The following ADGRL3 variants were observed in gnomAD, a reference collection of about 807,000 sequenced individuals.
ADGRL3 encodes the protein calcium-independent alpha-latrotoxin receptor 3.
In ADGRL3, 62 loss-of-function variants were observed where a neutral mutation model predicts 153.5. That is an observed-to-expected ratio of 0.40 (90% CI 0.33 to 0.50). The LOEUF is 0.50. Among genes scored for constraint, ADGRL3 ranks in the 20% least tolerant of loss-of-function variants. The probability of loss-of-function intolerance (pLI) is 0.47; values close to 1 mark genes in which losing one functional copy is unlikely to be tolerated. For synonymous variants in ADGRL3, 710 were observed against 672.5 expected (o/e 1.06, Z -0.86); for missense variants, 1,641 against 1,859.4 (o/e 0.88, Z 2.16).
chr4:62,031,485 T>C lies in ADGRL3; in HGVS notation c.3466T>C (p.Leu1156=). 6.2e-7 allele frequency: 1 copy of C among 1,610,890 alleles called. No individual in the cohort carries two copies. The highest frequency in any genetic ancestry group is 2.2e-5 in the East Asian group (1 of 44,746). The change falls in exon 23 of 27, where the codon TTG becomes CTG. Residue 1156 remains leucine (L), a synonymous_variant. Coordinates refer to ENST00000683033, the MANE Select transcript of ADGRL3 (RefSeq NM_001387552.1). ...GAIALLCLLG[L]TWAFGLMYIN... is the part of the protein sequence containing the mutation. ...AATAGCTCTTCTCTGCCTATTAGGA[T>C]TGACCTGGGCCTTTGGACTCATGTA...
chr4:61,467,616 ACT>A (rs1310212520), intron 2 of ADGRL3, among the ~76,000 whole-genome samples: 1 of 151,848 alleles, frequency 6.6e-6, no homozygotes, highest in South Asian at 2.1e-4. Context: ...AAGTAGAAAC[ACT>A]CTGAAGTGGA....
intron 4 of ADGRL3, among the ~76,000 whole-genome samples, chr4:61,524,655 AAAGTGT>A (rs1175299906): frequency 6.6e-6 from 1 of 152,044 alleles, no homozygotes; most frequent in Non-Finnish European, 1.5e-5. Context: ...TCACATCTCT[AAAGTGT>A]GATATAAAAA....
At chr4:61,694,105 A>G (rs910551649) in intron 6 of ADGRL3, among the ~76,000 whole-genome samples, 6 of 150,046 alleles carry the variant, frequency 4.0e-5, no homozygotes, top group African/African-American at 1.5e-4. Flanking sequence ...TCTATATTTT[A>G]TCTGCAACTC....
chr4:61,397,955 T>TCTGGA (rs2096887562), intron 2 of ADGRL3, among the ~76,000 whole-genome samples: 1 of 151,880 alleles, frequency 6.6e-6, no homozygotes, highest in South Asian at 2.1e-4. Flanking sequence ...GGCAAGTAAA[T>TCTGGA]CTGGACAGAT....
chr4:61,452,122 G>A (rs2097682368), intron 2 of ADGRL3, among the ~76,000 whole-genome samples: 2 of 152,102 alleles, frequency 1.3e-5, no homozygotes, highest in Admixed American at 1.3e-4. Context: ...CTGCATGAAT[G>A]TCCCTCAATC....
intron 8 of ADGRL3, among the ~76,000 whole-genome samples, chr4:61,759,631 T>A (rs1044919508): frequency 1.2e-4 from 18 of 151,022 alleles, no homozygotes; most frequent in African/African-American, 4.5e-4. Flanking sequence ...CTCCTTTAGC[T>A]CAGAGTAGTT....
intron 6 of ADGRL3, among the ~76,000 whole-genome samples, chr4:61,723,947 A>T (rs965197808): frequency 5.9e-5 from 9 of 152,198 alleles, no homozygotes; most frequent in African/African-American, 2.2e-4. Flanking sequence ...AAATAAAATG[A>T]TTCACAGATT....
At chr4:61,310,992 A>G (rs2094980078) in intron 1 of ADGRL3, among the ~76,000 whole-genome samples, 1 of 151,956 alleles carries the variant, frequency 6.6e-6, no homozygotes, top group Non-Finnish European at 1.5e-5. Flanking sequence ...AAAAAAATGG[A>G]TATCTAGATC....
chr4:61,576,597 C>T (rs2098885439), intron 4 of ADGRL3, among the ~76,000 whole-genome samples: 1 of 145,982 alleles, frequency 6.9e-6, no homozygotes, highest in South Asian at 2.3e-4. Flanking sequence ...ATCTAGTGTG[C>T]AGTCAACTTA....
chr4:61,380,962 C>A (rs978727798), intron 1 of ADGRL3, among the ~76,000 whole-genome samples: 1 of 151,604 alleles, frequency 6.6e-6, no homozygotes, highest in South Asian at 2.1e-4. Flanking sequence ...TTTCTATTTT[C>A]TTCACCCTCC....
intron 2 of ADGRL3, among the ~76,000 whole-genome samples, chr4:61,455,753 T>G (rs2097727608): frequency 6.6e-6 from 1 of 152,074 alleles, no homozygotes. Context: ...GCTATTGTAT[T>G]CTATTCCTTA....
rs1748064256 is a variant in ADGRL3, at chr4:61,226,594, T to C, written c.-240+24829T>C. Among the ~76,000 whole-genome samples, 3 of 152,282 alleles carry C rather than the reference T, an allele frequency of 2.0e-5. 1 individual carries two copies. In the South Asian group the frequency reaches 6.2e-4, roughly 32 times the overall value. ...CTTGACCTTAGGTGAAATACAAAGGTCAGCAATCTCTGAATTATAAAGTAG... is the reference window on the plus strand; with the variant it reads ...CTTGACCTTAGGTGAAATACAAAGGCCAGCAATCTCTGAATTATAAAGTAG... On this transcript the variant is annotated intron_variant, in intron 1 of 26. Transcript: ENST00000683033.
intron 21 of ADGRL3, among the ~76,000 whole-genome samples, chr4:62,022,002 C>T (rs2099240473): frequency 6.6e-6 from 1 of 152,112 alleles, no homozygotes; most frequent in South Asian, 2.1e-4. Flanking sequence ...AAGCTAGAAA[C>T]CATTAAGCTT....
intron 1 of ADGRL3, among the ~76,000 whole-genome samples, chr4:61,205,364 AG>A (rs1736627008): frequency 6.6e-6 from 1 of 152,232 alleles, no homozygotes; most frequent in South Asian, 2.1e-4. Context: ...AGTGATTTTA[AG>A]AAATGCTGTG....
At chr4:61,490,270 A>G (rs1370725184) in intron 2 of ADGRL3, among the ~76,000 whole-genome samples, 1 of 149,482 alleles carries the variant, frequency 6.7e-6, no homozygotes, top group Non-Finnish European at 1.5e-5. Flanking sequence ...CTTCTTCTTT[A>G]TCAAATTTGG....
At chr4:61,244,765 A>C (rs2149363963) in intron 1 of ADGRL3, among the ~76,000 whole-genome samples, 1 of 152,162 alleles carries the variant, frequency 6.6e-6, no homozygotes, top group Admixed American at 6.6e-5. Flanking sequence ...AGTGGGTCAG[A>C]GAAGTAGACA....
chr4:61,336,318 T>G (rs1262621688), intron 1 of ADGRL3, among the ~76,000 whole-genome samples: 2 of 152,134 alleles, frequency 1.3e-5, no homozygotes, highest in African/African-American at 4.8e-5. Context: ...CCTTTTTCAT[T>G]TCATAAGCGA....
At chr4:61,765,518 A>T (rs985927623) in intron 8 of ADGRL3, among the ~76,000 whole-genome samples, 1 of 152,136 alleles carries the variant, frequency 6.6e-6, no homozygotes, top group South Asian at 2.1e-4. Context: ...ACCGTAAGGG[A>T]TATAAAGGTT....
At chr4:61,224,233 A>G (rs1417045524) in intron 1 of ADGRL3, among the ~76,000 whole-genome samples, 1 of 152,104 alleles carries the variant, frequency 6.6e-6, no homozygotes, top group African/African-American at 2.4e-5. Flanking sequence ...ATTTATCCAT[A>G]GCTAAAATTT....
Sources: allele counts gnomAD v4.1 joint callset (sites outside exome capture counted in the v4.1 genomes callset), GRCh38; gene constraint gnomAD v4.1.1; transcripts MANE v1.5; gene names NCBI Gene and HGNC (gene_info 2026-07-23, HGNC 2026-07-21).